Variants in PCDHA3 observed in about 807,000 individuals in gnomAD.
PCDHA3 encodes protocadherin alpha-3.
PCDHA3 carries 41 observed loss-of-function variants against 62.2 expected under a neutral mutation model. The ratio of observed to expected loss-of-function variants is 0.66; its 90% CI spans 0.51 to 0.86. The LOEUF is 0.86. Among genes scored for constraint, PCDHA3 ranks in the 40% least tolerant of loss-of-function variants. The pLI, the probability that PCDHA3 is intolerant of heterozygous loss-of-function variation, is 0.00. For missense variants in PCDHA3, 1,304 were observed against 1,241.2 expected, an observed-to-expected ratio of 1.05 and a Z score of -0.76; for synonymous variants, 640 against 555.4, an observed-to-expected ratio of 1.15 and a Z score of -2.14.
Position 140,850,862 on chromosome 5 carries a change from C to G in PCDHA3, c.2394+47271C>G, listed in dbSNP as rs2150500833. 5.6e-6 allele frequency: 9 copies of G among 1,592,960 alleles called. 1 individual carries two copies. In the South Asian group the frequency reaches 1.0e-4, roughly 18 times the overall value. Reference sequence around the variant, plus strand: ...GATCTACAGAGCGAACGGGAGAACCCTCTGCTTCCTCAGATTCAACTGGGA... The same window carrying G: ...GATCTACAGAGCGAACGGGAGAACCGTCTGCTTCCTCAGATTCAACTGGGA... On this transcript the variant is annotated intron_variant, in intron 1 of 3. Transcript: ENST00000522353.
intron 1 of PCDHA3, among the ~76,000 whole-genome samples, chr5:140,942,544 G>T (rs546340510): frequency 1.6e-4 from 24 of 152,000 alleles, no homozygotes; most frequent in Non-Finnish European, 2.9e-4. Context: ...TATGGTGGGG[G>T]GTAGGGGGTT....
intron 1 of PCDHA3, chr5:140,869,469 G>C (rs781981842): frequency 6.2e-6 from 10 of 1,614,092 alleles, no homozygotes; most frequent in Admixed American, 1.7e-5. Flanking sequence ...TGAACGTGGA[G>C]GTGAAGGACA....
At chr5:140,948,245 A>G (rs1554218500) in intron 1 of PCDHA3, among the ~76,000 whole-genome samples, 2 of 151,606 alleles carry the variant, frequency 1.3e-5, no homozygotes, top group African/African-American at 4.8e-5. Flanking sequence ...TTTAGTAAAT[A>G]TTTTTACATC....
intron 3 of PCDHA3, 71 bp from the exon 4 acceptor site, chr5:141,009,556 A>T: frequency 6.4e-7 from 1 of 1,564,868 alleles, no homozygotes; most frequent in Non-Finnish European, 8.7e-7. Flanking sequence ...GTACTCCTGT[A>T]CTCTACCAGC....
chr5:140,966,258 A>G, intron 1 of PCDHA3: 1 of 337,520 alleles, frequency 3.0e-6, no homozygotes, highest in Non-Finnish European at 5.3e-6. Context: ...GAGACGGTGG[A>G]GACTGGATGA....
At chr5:140,942,539 TG>T (rs1370746759) in intron 1 of PCDHA3, among the ~76,000 whole-genome samples, 2 of 151,338 alleles carry the variant, frequency 1.3e-5, no homozygotes, top group Admixed American at 6.6e-5. Flanking sequence ...CTCAGTATGG[TG>T]GGGGGTAGGG....
intron 3 of PCDHA3, among the ~76,000 whole-genome samples, chr5:141,009,108 A>G (rs529319870): frequency 5.3e-5 from 8 of 152,346 alleles, no homozygotes; most frequent in African/African-American, 1.9e-4. Context: ...TGTTACTATG[A>G]AACTAGATTC....
intron 1 of PCDHA3, chr5:140,815,506 A>C (rs1410150940): frequency 2.0e-5 from 3 of 148,546 alleles, no homozygotes; most frequent in Non-Finnish European, 4.4e-5. Context: ...TATTGATGTC[A>C]TAAATACATC....
intron 1 of PCDHA3, chr5:140,811,762 A>G (rs1293398991): frequency 2.0e-5 from 3 of 152,124 alleles, no homozygotes; most frequent in African/African-American, 7.2e-5. Context: ...GATGATGGGC[A>G]TTTTTTCATG....
At chr5:140,919,222 C>G (rs1367427149) in intron 1 of PCDHA3, among the ~76,000 whole-genome samples, 3 of 152,144 alleles carry the variant, frequency 2.0e-5, no homozygotes, top group African/African-American at 7.2e-5. Flanking sequence ...TTCTTGATTT[C>G]TAGTAACACT....
chr5:140,887,183 A>G (rs1211270850), intron 1 of PCDHA3, among the ~76,000 whole-genome samples: 2 of 147,766 alleles, frequency 1.4e-5, no homozygotes, highest in African/African-American at 5.0e-5. Flanking sequence ...TGCAAGCTCC[A>G]CCTCCCGGGT....
In PCDHA3 at chr5:140,808,003, A is replaced by G. The variant is rs781837292; in HGVS notation, c.2394+4412A>G. On this transcript the variant is annotated intron_variant, in intron 1 of 3. Coordinates refer to ENST00000522353, the MANE Select transcript of PCDHA3 (RefSeq NM_018906.3). ...TTAACGCCTCAGATTTAGACGAAGG[A>G]TTGAATGGGGACATTGTTTATTCAT... 1.9e-6 allele frequency: 3 copies of G among 1,613,804 alleles called. No individual in the cohort carries two copies. In the South Asian group the frequency reaches 3.3e-5, roughly 18 times the overall value.
chr5:140,807,714 A>T, intron 1 of PCDHA3: 1 of 1,614,204 alleles, frequency 6.2e-7, no homozygotes, highest in Non-Finnish European at 8.5e-7. Flanking sequence ...AGCCCAAATG[A>T]ATACTTTTCT....
Position 140,899,097 on chromosome 5 carries a change from T to C in PCDHA3, c.2395-79852T>C, listed in dbSNP as rs1160754058. Among the ~76,000 whole-genome samples the C allele has an allele frequency of 9.8e-3, 1,481 of 151,828 alleles. 12 individuals carry two copies. The highest frequency in any genetic ancestry group is 0.026 in the African/African-American group (1,065 of 41,212). ...AGCTTAAGGAGATTTTGGGCTGAGATAATGGGGTTTTCTAGATATACAATC... is the reference window on the plus strand; with the variant it reads ...AGCTTAAGGAGATTTTGGGCTGAGACAATGGGGTTTTCTAGATATACAATC... On this transcript the variant is annotated intron_variant, in intron 1 of 3. Transcript: ENST00000522353.
intron 1 of PCDHA3, chr5:140,811,799 T>C (rs1554125817): frequency 6.6e-6 from 1 of 152,256 alleles, no homozygotes; most frequent in East Asian, 1.9e-4. Flanking sequence ...AAATGTCTTC[T>C]TTTGAGAAGT....
chr5:140,984,878 C>G (rs2097124872), intron 3 of PCDHA3, among the ~76,000 whole-genome samples: 1 of 151,854 alleles, frequency 6.6e-6, no homozygotes, highest in African/African-American at 2.4e-5. Flanking sequence ...ATTGAGTTAC[C>G]ATGAGAACTA....
chr5:140,858,334 GC>G, intron 1 of PCDHA3: 1 of 1,595,814 alleles, frequency 6.3e-7, no homozygotes, highest in Admixed American at 1.7e-5. Flanking sequence ...GGGAGGGCCT[GC>G]CCAAGGCGGA....
intron 1 of PCDHA3, chr5:140,823,675 C>T: frequency 1.9e-6 from 3 of 1,614,056 alleles, no homozygotes; most frequent in Non-Finnish European, 1.7e-6. Context: ...CAGCACAACA[C>T]GCTCTCTGGA....
At chr5:140,867,346 ATGAT>A (rs1302874220) in intron 1 of PCDHA3, 5 of 152,256 alleles carry the variant, frequency 3.3e-5, no homozygotes, top group East Asian at 1.9e-4. Context: ...AGAGGCTACT[ATGAT>A]TGATTATTTT....
Sources: gnomAD v4.1 joint callset for allele counts (sites outside exome capture counted in the v4.1 genomes callset) on GRCh38, gnomAD v4.1.1 for gene constraint, MANE v1.5 for transcripts, NCBI Gene and HGNC (gene_info 2026-07-23, HGNC 2026-07-21) for gene names.